The following SSH2 variants were observed in gnomAD, a reference collection of about 807,000 sequenced individuals.
SSH2 encodes the protein protein phosphatase Slingshot homolog 2.
SSH2 carries 37 observed loss-of-function variants against 135.2 expected under a neutral mutation model. The ratio of observed to expected loss-of-function variants is 0.27; its 90% CI spans 0.21 to 0.36. The LOEUF is 0.36. Among genes scored for constraint, SSH2 ranks in the 10% least tolerant of loss-of-function variants. The pLI is 1.00. For missense variants in SSH2, 1,408 were observed against 1,765.3 expected (o/e 0.80, Z 3.63); for synonymous variants, 628 against 646.2 (o/e 0.97, Z 0.43).
intron 3 of SSH2, among the ~76,000 whole-genome samples, chr17:29,720,665 C>G (rs756358129): frequency 6.6e-6 from 1 of 151,786 alleles, no homozygotes; most frequent in Non-Finnish European, 1.5e-5. Context: ...CAAATGAAAT[C>G]TAGGAGGGGC....
intron 2 of SSH2, among the ~76,000 whole-genome samples, chr17:29,810,601 A>G (rs2042424449): frequency 6.6e-6 from 1 of 152,164 alleles, no homozygotes; most frequent in African/African-American, 2.4e-5. Flanking sequence ...CTATTTATCC[A>G]TTTTCCCCAA....
intron 3 of SSH2, among the ~76,000 whole-genome samples, chr17:29,774,687 T>C (rs2041658634): frequency 1.3e-5 from 2 of 152,216 alleles, no homozygotes; most frequent in Admixed American, 6.5e-5. Flanking sequence ...TTCTTATATA[T>C]ATGCTGCTGC....
At chr17:29,877,494 T>C (rs935292133) in intron 1 of SSH2, among the ~76,000 whole-genome samples, 2 of 152,118 alleles carry the variant, frequency 1.3e-5, no homozygotes, top group African/African-American at 4.8e-5. Flanking sequence ...AACAGATGAA[T>C]GGATAAAGAA....
chr17:29,869,859 T>A (rs1464541021), intron 1 of SSH2, among the ~76,000 whole-genome samples: 2 of 152,152 alleles, frequency 1.3e-5, no homozygotes, highest in Admixed American at 6.5e-5. Context: ...ATCAGAACTC[T>A]CCTCATAGGC....
chr17:29,885,348 TAAAAA>T (rs72403205), intron 1 of SSH2, among the ~76,000 whole-genome samples: 194 of 127,094 alleles, frequency 1.5e-3, no homozygotes, highest in African/African-American at 4.5e-3. Context: ...TATTGTATCA[TAAAAA>T]AAAAAAAAAA....
intron 3 of SSH2, among the ~76,000 whole-genome samples, chr17:29,767,094 G>A (rs1269279483): frequency 1.3e-5 from 2 of 152,082 alleles, no homozygotes; most frequent in Non-Finnish European, 2.9e-5. Context: ...CTTTTCCATG[G>A]AACTTTTCCT....
At chr17:29,753,442 A>G (rs1401551727) in intron 3 of SSH2, among the ~76,000 whole-genome samples, 1 of 151,548 alleles carries the variant, frequency 6.6e-6, no homozygotes, top group African/African-American at 2.4e-5. Context: ...ATCTGCTATT[A>G]ATGTTATTAT....
At chr17:29,761,167 C>T in intron 3 of SSH2, 1 of 1,289,556 alleles carries the variant, frequency 7.8e-7, no homozygotes, top group Non-Finnish European at 1.0e-6. Flanking sequence ...TGATGGCGTT[C>T]TGCGAGATGA....
chr17:29,898,173 G>A (rs2066478843), intron 1 of SSH2, among the ~76,000 whole-genome samples: 1 of 152,068 alleles, frequency 6.6e-6, no homozygotes, highest in Non-Finnish European at 1.5e-5. Flanking sequence ...ACAAGAGAAA[G>A]CAGGAAAGAT....
At chr17:29,717,642 T>A (rs994256646) in intron 3 of SSH2, among the ~76,000 whole-genome samples, 1 of 152,170 alleles carries the variant, frequency 6.6e-6, no homozygotes, top group African/African-American at 2.4e-5. Flanking sequence ...TGTTATAAGC[T>A]ATGGCAGGGA....
chr17:29,795,244 T>C lies in SSH2; in HGVS notation c.145-1307A>G, dbSNP rs552544891. ...TTTCTTGAGAGACCAAGGAAGCACG[T>C]TGAAAAACAAGGATAAGCTAATCTG... On this transcript the variant is annotated intron_variant, in intron 2 of 15. Coordinates refer to ENST00000540801, the MANE Select transcript of SSH2 (RefSeq NM_001282129.2). Among the ~76,000 whole-genome samples the C allele has an allele frequency of 4.4e-3, 676 of 152,278 alleles. 5 individuals carry two copies. Among genetic ancestry groups the C allele is most frequent in the African/African-American group, 0.015 (621 of 41,562 alleles).
chr17:29,661,837 A>G (rs991986478), intron 11 of SSH2, among the ~76,000 whole-genome samples: 1 of 152,190 alleles, frequency 6.6e-6, no homozygotes, highest in African/African-American at 2.4e-5. Flanking sequence ...ATACCTATCC[A>G]TTGGCAAATA....
intron 2 of SSH2, among the ~76,000 whole-genome samples, chr17:29,828,565 T>C (rs2042785122): frequency 6.6e-6 from 1 of 152,224 alleles, no homozygotes; most frequent in Admixed American, 6.5e-5. Context: ...ACACATTTTC[T>C]GGGTACCAAT....
rs1214206219 is a variant in SSH2 at position 29,915,783 on chromosome 17, AT to A, written c.63+14154del. Among the ~76,000 whole-genome samples the A allele has an allele frequency of 1.9e-4, 29 of 152,082 alleles. No individual in the cohort carries two copies. The East Asian group carries it at 5.2e-3, about 27-fold the overall frequency. ...ACAAAGATTCTCTAATTAAAAAAAA[AT>A]GAAGCCATTATGAAATAACAAAAAT... On this transcript the variant is annotated intron_variant, in intron 1 of 15. Coordinates refer to ENST00000540801, the MANE Select transcript of SSH2 (RefSeq NM_001282129.2).
At chr17:29,730,434 TTTTC>T (rs1164909377) in intron 3 of SSH2, among the ~76,000 whole-genome samples, 2 of 148,294 alleles carry the variant, frequency 1.3e-5, no homozygotes, top group African/African-American at 5.1e-5. Context: ...TGATTTGACT[TTTTC>T]TTTTTTTTTT....
intron 3 of SSH2, among the ~76,000 whole-genome samples, chr17:29,738,403 T>TA (rs1401070577): frequency 6.6e-6 from 1 of 152,324 alleles, no homozygotes. Flanking sequence ...TGCATGTGTC[T>TA]TTACAGCAAC....
intron 2 of SSH2, among the ~76,000 whole-genome samples, chr17:29,843,129 T>C (rs1012129672): frequency 6.6e-6 from 1 of 152,226 alleles, no homozygotes; most frequent in Non-Finnish European, 1.5e-5. Flanking sequence ...TGCTGTAGGC[T>C]TAAACACCAT....
At chr17:29,806,591 T>C (rs1234251428) in intron 2 of SSH2, among the ~76,000 whole-genome samples, 2 of 152,200 alleles carry the variant, frequency 1.3e-5, no homozygotes, top group African/African-American at 4.8e-5. Flanking sequence ...TGTTAAAATA[T>C]TGAAATAGTG....
Position 29,833,355 on chromosome 17 carries a change from A to C in SSH2, c.144+15494T>G, listed in dbSNP as rs182132570. Among the ~76,000 whole-genome samples, 3 of 152,192 alleles carry C rather than the reference A, an allele frequency of 2.0e-5. No homozygotes were observed. The East Asian group carries it at 5.8e-4, about 29-fold the overall frequency. On this transcript the variant is annotated intron_variant, in intron 2 of 15. Coordinates refer to ENST00000540801, the MANE Select transcript of SSH2 (RefSeq NM_001282129.2). The stretch of plus-strand genomic sequence containing the variant: ...TTATATAATAGTCCTCTTTGTCTCT[A>C]TAGTTTTTGTCTTGAAATCTATTTT...
Sources: gnomAD v4.1 joint callset for allele counts (sites outside exome capture counted in the v4.1 genomes callset) on GRCh38, gnomAD v4.1.1 for gene constraint, MANE v1.5 for transcripts, NCBI Gene and HGNC (gene_info 2026-07-23, HGNC 2026-07-21) for gene names.